Variants in NIPA2 observed in about 807,000 individuals in gnomAD.
The protein encoded by NIPA2 is NIPA magnesium transporter 2, also known as magnesium transporter NIPA2.
In NIPA2, 11 loss-of-function variants were observed where a neutral mutation model predicts 29.7. The ratio of observed to expected loss-of-function variants is 0.37; its 90% confidence interval spans 0.23 to 0.61. The LOEUF is 0.61. Among genes scored for constraint, NIPA2 ranks in the 20% least tolerant of loss-of-function variants. NIPA2 has a pLI of 0.66. For synonymous variants in NIPA2, 183 were observed against 161.9 expected (o/e 1.13, Z -0.99); for missense variants, 426 against 437.9 (o/e 0.97, Z 0.24).
chr15:22,851,616 A>G, intron 3 of NIPA2, 23 bp from the exon 4 acceptor site: 1 of 807,928 alleles, frequency 1.2e-6, no homozygotes, highest in Non-Finnish European at 1.9e-6. Flanking sequence ...TGTGAAAACC[A>G]CATTTCATTT....
chr15:22,866,677 AGTCTAGC>A lies in NIPA2; in HGVS notation c.914_920del (p.Ser305LysfsTer14), dbSNP rs2059102402. 9 of 1,613,990 alleles carry A rather than the reference AGTCTAGC, an allele frequency of 5.6e-6. No homozygotes were observed. The highest frequency in any genetic ancestry group is 6.8e-6 in the Non-Finnish European group (8 of 1,180,006). ...GCATGCCTTTAAAGACGTCAGCTTT[AGTCTAGC>A]AAGTCTGCCTGTGTCTTTTCGAAAA... is the stretch of plus-strand genomic sequence containing the variant. On this transcript the variant is annotated frameshift_variant, in exon 8 of 8. Coordinates refer to ENST00000337451, the MANE Select transcript of NIPA2 (RefSeq NM_030922.7). LOFTEE classifies it high-confidence loss of function.
chr15:22,845,273 T>G lies in NIPA2; in HGVS notation c.-94+6T>G, dbSNP rs1481572458. 1.3e-5 allele frequency: 2 copies of G among 152,076 alleles called. No homozygotes were observed. Among genetic ancestry groups the G allele is most frequent in the African/African-American group, 4.8e-5 (2 of 41,396 alleles). 9.4% of individuals were successfully genotyped at this position (152,076 alleles called of 1,614,324 possible). A position where few individuals can be genotyped will look rare whatever the true frequency, so the allele number is the denominator to read the frequency against. ...TGATGTCCTATTTTCAAACTGTAAGTCAGAATGAGATCACTTATTTTCTTG... is the reference window on the plus strand; with the variant it reads ...TGATGTCCTATTTTCAAACTGTAAGGCAGAATGAGATCACTTATTTTCTTG... On this transcript the variant is annotated splice_donor_region_variant and intron_variant, in intron 3 of 7. Coordinates refer to ENST00000337451, the MANE Select transcript of NIPA2 (RefSeq NM_030922.7).
chr15:22,866,106 C>A, intron 7 of NIPA2, 107 bp from the exon 8 acceptor site: 1 of 888,746 alleles, frequency 1.1e-6, no homozygotes, highest in Non-Finnish European at 1.7e-6. Context: ...TTTTTATTTC[C>A]AGGCCATACC....
Position 22,853,194 on chromosome 15 carries a change from A to G in NIPA2, c.140-18A>G, listed in dbSNP as rs1318200007. The G allele has an allele frequency of 1.3e-6, 2 of 1,569,860 alleles. No individual in the cohort carries two copies. The highest frequency in any genetic ancestry group is 1.8e-6 in the Non-Finnish European group (2 of 1,140,712). On this transcript the variant is annotated intron_variant, in intron 4 of 7. Coordinates refer to ENST00000337451, the MANE Select transcript of NIPA2 (RefSeq NM_030922.7). ...TCTTACAGTCTTCCAAAGATGTGAA[A>G]TATTTCTTCATTCACAGGTCAAGGT...
At chr15:22,854,127 T>TA (rs914494910) in intron 5 of NIPA2, among the ~76,000 whole-genome samples, 1 of 151,066 alleles carries the variant, frequency 6.6e-6, no homozygotes, top group Non-Finnish European at 1.5e-5. Flanking sequence ...GCCCAGCCGT[T>TA]ACTTATTTAT....
At chr15:22,848,021 C>G (rs1372929741) in intron 3 of NIPA2, among the ~76,000 whole-genome samples, 1 of 149,138 alleles carries the variant, frequency 6.7e-6, no homozygotes, top group African/African-American at 2.5e-5. Flanking sequence ...TGGTCTCGAA[C>G]TCCCGACCTC....
chr15:22,861,585 G>A (rs1010789694), intron 7 of NIPA2, among the ~76,000 whole-genome samples: 1 of 152,106 alleles, frequency 6.6e-6, no homozygotes, highest in Admixed American at 6.5e-5. Flanking sequence ...TGATGTTGCT[G>A]TTGAGAAATT....
chr15:22,858,678 C>T, intron 6 of NIPA2, 48 bp downstream of exon 6: 1 of 1,153,128 alleles, frequency 8.7e-7, no homozygotes, highest in East Asian at 2.6e-5. Context: ...ATCTTAGTTT[C>T]TAAAATATTC....
chr15:22,853,920 C>T (rs2057975543), intron 5 of NIPA2, among the ~76,000 whole-genome samples: 1 of 151,844 alleles, frequency 6.6e-6, no homozygotes, highest in Non-Finnish European at 1.5e-5. Flanking sequence ...CTTCGCCTCC[C>T]GGGTTCAAGC....
chr15:22,846,188 G>A (rs1595280590), intron 3 of NIPA2, among the ~76,000 whole-genome samples: 1 of 152,304 alleles, frequency 6.6e-6, no homozygotes, highest in Non-Finnish European at 1.5e-5. Flanking sequence ...GAGAGTGGCT[G>A]TGGTTCCTGC....
intron 2 of NIPA2, among the ~76,000 whole-genome samples, chr15:22,842,817 A>T (rs1897453860): frequency 6.6e-6 from 1 of 150,798 alleles, no homozygotes; most frequent in Admixed American, 6.7e-5. Flanking sequence ...GGATAGAGCG[A>T]GACTCTGCAT....
rs1232273809 is a variant in NIPA2, at chr15:22,867,116, T to C, written c.*269T>C. 5 of 487,580 alleles carry C rather than the reference T, an allele frequency of 1.0e-5. No individual in the cohort carries two copies. The East Asian group carries it at 1.3e-4, about 12-fold the overall frequency. 30.2% of individuals were successfully genotyped at this position (487,580 alleles called of 1,614,324 possible). A position where few individuals can be genotyped will look rare whatever the true frequency, so the allele number is the denominator to read the frequency against. ...TTTCATCCCTTCTCCAAAAGCCGAA[T>C]GCACTAATGACAGTTTTAAGTCTAT... is the stretch of plus-strand genomic sequence containing the variant. On this transcript the variant is annotated 3_prime_UTR_variant, in exon 8 of 8. Coordinates refer to ENST00000337451, the MANE Select transcript of NIPA2 (RefSeq NM_030922.7).
intron 5 of NIPA2, among the ~76,000 whole-genome samples, chr15:22,856,313 G>A (rs1203058000): frequency 2.0e-5 from 3 of 151,956 alleles, no homozygotes; most frequent in African/African-American, 4.8e-5. Flanking sequence ...AAGCATACAC[G>A]TAATTTCTAG....
rs752848793 is a variant in NIPA2 at position 22,851,686 on chromosome 15, T to C, written c.-46T>C. ...CCTCTAGTACCAGCGGTTTCTCTGTTCTGTGATCAATGTGATTCACAGGAA... is the reference window on the plus strand; with the variant it reads ...CCTCTAGTACCAGCGGTTTCTCTGTCCTGTGATCAATGTGATTCACAGGAA... On this transcript the variant is annotated 5_prime_UTR_variant, in exon 4 of 8. Transcript: ENST00000337451. The C allele has an allele frequency of 1.9e-6, 3 of 1,562,354 alleles. No individual in the cohort carries two copies. The highest frequency in any genetic ancestry group is 2.6e-6 in the Non-Finnish European group (3 of 1,149,788).
intron 2 of NIPA2, among the ~76,000 whole-genome samples, chr15:22,841,371 A>G (rs1448255195): frequency 6.6e-6 from 1 of 152,208 alleles, no homozygotes; most frequent in Non-Finnish European, 1.5e-5. Context: ...ATGAAGTTGA[A>G]ACAGAACTAC....
In NIPA2 at chr15:22,867,797, C is replaced by T. The variant is rs2059222489; in HGVS notation, c.*950C>T. Reference sequence around the variant, plus strand: ...GAATATGGTCTCTTTGTACCAAGTACTTTGCTTAAGAGCTCCTTTGGGCCA... The same window carrying T: ...GAATATGGTCTCTTTGTACCAAGTATTTTGCTTAAGAGCTCCTTTGGGCCA... On this transcript the variant is annotated 3_prime_UTR_variant, in exon 8 of 8. Coordinates refer to ENST00000337451, the MANE Select transcript of NIPA2 (RefSeq NM_030922.7). 1.3e-5 allele frequency: 2 copies of T among 152,220 alleles called. No individual in the cohort carries two copies. Among genetic ancestry groups the T allele is most frequent in the South Asian group, 2.1e-4 (1 of 4,828 alleles). The allele number at this position is 152,220 out of a possible 1,614,324, so 9.4% of individuals were successfully genotyped here.
At chr15:22,844,474 A>G (rs1339748279) in intron 2 of NIPA2, among the ~76,000 whole-genome samples, 4 of 152,202 alleles carry the variant, frequency 2.6e-5, no homozygotes, top group Middle Eastern at 3.4e-3. Flanking sequence ...GACTTGCTTG[A>G]ACCCGGGAGA....
chr15:22,848,825 CAAAAAAAAAAAAAAA>C (rs35853443), intron 3 of NIPA2, among the ~76,000 whole-genome samples: 1 of 66,712 alleles, frequency 1.5e-5, no homozygotes, highest in Non-Finnish European at 2.6e-5. Flanking sequence ...ACTCTTGTCT[CAAAAAAAAAAAAAAA>C]AAAAAAAAAA....
chr15:22,854,818 C>T (rs2058062365), intron 5 of NIPA2, among the ~76,000 whole-genome samples: 1 of 152,110 alleles, frequency 6.6e-6, no homozygotes, highest in Admixed American at 6.5e-5. Context: ...TGATGTTATT[C>T]ACCAGGTATT....
Sources: allele counts gnomAD v4.1 joint callset (sites outside exome capture counted in the v4.1 genomes callset), GRCh38; gene constraint gnomAD v4.1.1; transcripts MANE v1.5; gene names NCBI Gene and HGNC (gene_info 2026-07-23, HGNC 2026-07-21).